Variants in RBMS3 observed in about 807,000 individuals in gnomAD.
RBMS3 encodes the protein RNA-binding motif, single-stranded-interacting protein 3.
A neutral mutation model predicts 66.8 loss-of-function variants in RBMS3; 27 were observed. The observed-to-expected ratio is 0.40, with a 90% CI of 0.30 to 0.56. The LOEUF is 0.56. Among genes scored for constraint, RBMS3 ranks in the 20% least tolerant of loss-of-function variants. The probability of loss-of-function intolerance (pLI) is 0.40; values close to 1 mark genes in which losing one functional copy is unlikely to be tolerated. For missense variants in RBMS3, 513 were observed against 549.5 expected, an observed-to-expected ratio of 0.93 and a Z score of 0.66; for synonymous variants, 188 against 183.0, an observed-to-expected ratio of 1.03 and a Z score of -0.22.
chr3:29,939,271 C>T (rs1477905197), intron 11 of RBMS3, among the ~76,000 whole-genome samples: 1 of 151,864 alleles, frequency 6.6e-6, no homozygotes, highest in Non-Finnish European at 1.5e-5. Flanking sequence ...AAATATTTGC[C>T]TATATCATAA....
intron 1 of RBMS3, among the ~76,000 whole-genome samples, chr3:29,304,301 A>G (rs1407320359): frequency 6.6e-6 from 1 of 152,030 alleles, no homozygotes; most frequent in African/African-American, 2.4e-5. Context: ...TACTTTGTAC[A>G]TATTAAAGTA....
At chr3:29,516,828 C>T (rs1162408104) in intron 3 of RBMS3, among the ~76,000 whole-genome samples, 4 of 152,074 alleles carry the variant, frequency 2.6e-5, no homozygotes, top group Non-Finnish European at 5.9e-5. Context: ...TATCAAATAC[C>T]TTAGAAGATT....
chr3:29,595,508 A>G (rs1257118301), intron 4 of RBMS3, among the ~76,000 whole-genome samples: 1 of 152,068 alleles, frequency 6.6e-6, no homozygotes, highest in Non-Finnish European at 1.5e-5. Flanking sequence ...TGAGTCAATT[A>G]CTCATTTCTG....
At chr3:29,621,579 T>C (rs2048865747) in intron 4 of RBMS3, among the ~76,000 whole-genome samples, 1 of 152,138 alleles carries the variant, frequency 6.6e-6, no homozygotes, top group African/African-American at 2.4e-5. Flanking sequence ...AAGTGAATAG[T>C]TTTACTTCCA....
intron 6 of RBMS3, among the ~76,000 whole-genome samples, chr3:29,865,640 G>A (rs2059341430): frequency 6.6e-6 from 1 of 152,132 alleles, no homozygotes; most frequent in Non-Finnish European, 1.5e-5. Flanking sequence ...TGGGAACTAA[G>A]GAAGGGAGTG....
At chr3:29,685,779 A>G (rs1363474462) in intron 4 of RBMS3, among the ~76,000 whole-genome samples, 1 of 152,142 alleles carries the variant, frequency 6.6e-6, no homozygotes, top group Admixed American at 6.5e-5. Context: ...CTGCATCATC[A>G]CTTTGGTAAG....
intron 9 of RBMS3, 104 bp downstream of exon 9, chr3:29,897,579 C>A: frequency 2.1e-6 from 2 of 956,512 alleles, no homozygotes; most frequent in South Asian, 1.4e-5. Context: ...AATTCTCATA[C>A]ACTTTAATCA....
intron 2 of RBMS3, among the ~76,000 whole-genome samples, chr3:29,473,009 C>T (rs563351898): frequency 4.0e-5 from 6 of 150,832 alleles, no homozygotes; most frequent in African/African-American, 1.5e-4. Flanking sequence ...AGGTTCTCCA[C>T]GTCCCCATCA....
At chr3:29,355,887 T>C (rs551281349) in intron 1 of RBMS3, among the ~76,000 whole-genome samples, 1 of 152,272 alleles carries the variant, frequency 6.6e-6, no homozygotes, top group East Asian at 1.9e-4. Context: ...CCAATCAAGA[T>C]ACAGAACCAT....
chr3:29,655,263 G>A (rs183405971), intron 4 of RBMS3, among the ~76,000 whole-genome samples: 15 of 152,236 alleles, frequency 9.9e-5, no homozygotes, highest in Non-Finnish European at 2.9e-5. Flanking sequence ...AAGAGAGCTG[G>A]TCCATTTAGC....
At chr3:29,414,219 T>C (rs946118450) in intron 1 of RBMS3, among the ~76,000 whole-genome samples, 1 of 152,198 alleles carries the variant, frequency 6.6e-6, no homozygotes, top group Non-Finnish European at 1.5e-5. Context: ...CAAAAAGGTC[T>C]TGAACTGCAA....
chr3:29,514,780 ATATATATGATAGGCATATATATG>A (rs1576077336), intron 3 of RBMS3, among the ~76,000 whole-genome samples: 5 of 150,122 alleles, frequency 3.3e-5, no homozygotes, highest in African/African-American at 1.2e-4. Flanking sequence ...ATAGGCATAT[ATATATATGATAGGCATATATATG>A]TATATATGAT....
chr3:29,424,868 T>C (rs1364693236), intron 1 of RBMS3, among the ~76,000 whole-genome samples: 1 of 152,188 alleles, frequency 6.6e-6, no homozygotes, highest in Non-Finnish European at 1.5e-5. Context: ...TCTGAAGCCA[T>C]GACTTTCACA....
chr3:29,478,538 A>G (rs1254733707), intron 2 of RBMS3, among the ~76,000 whole-genome samples: 30 of 152,152 alleles, frequency 2.0e-4, no homozygotes, highest in Admixed American at 2.0e-3. Context: ...GTTTCAACAG[A>G]TGAATTTTGG....
chr3:29,838,970 CA>C (rs1345967567), intron 6 of RBMS3, among the ~76,000 whole-genome samples: 2 of 152,060 alleles, frequency 1.3e-5, no homozygotes, highest in Non-Finnish European at 2.9e-5. Context: ...TAGAGGCTGC[CA>C]GGGGGACAGC....
chr3:29,574,930 TTA>T (rs1472252163), intron 3 of RBMS3, among the ~76,000 whole-genome samples: 3 of 152,102 alleles, frequency 2.0e-5, no homozygotes, highest in Non-Finnish European at 2.9e-5. Context: ...TTATTTCTCT[TTA>T]TGTCTTATTG....
chr3:29,566,231 A>C (rs982185893), intron 3 of RBMS3, among the ~76,000 whole-genome samples: 1 of 152,138 alleles, frequency 6.6e-6, no homozygotes, highest in African/African-American at 2.4e-5. Flanking sequence ...AAAATAATCC[A>C]CAAATTATGC....
chr3:29,972,138 C>G (rs942561501), intron 12 of RBMS3, among the ~76,000 whole-genome samples: 3 of 152,018 alleles, frequency 2.0e-5, no homozygotes, highest in African/African-American at 7.2e-5. Flanking sequence ...GGAGTGGAAT[C>G]TGGACTCTGG....
At chr3:29,848,628 A>C (rs938498124) in intron 6 of RBMS3, among the ~76,000 whole-genome samples, 1 of 152,352 alleles carries the variant, frequency 6.6e-6, no homozygotes, top group African/African-American at 2.4e-5. Flanking sequence ...ACAAACCATG[A>C]ATGCCTATGG....
Sources: allele counts gnomAD v4.1 joint callset (sites outside exome capture counted in the v4.1 genomes callset), GRCh38; gene constraint gnomAD v4.1.1; transcripts MANE v1.5; gene names NCBI Gene and HGNC (gene_info 2026-07-23, HGNC 2026-07-21).